RBM41: variants seen among roughly 807,000 people sequenced by gnomAD.
RBM41 encodes the protein RNA-binding protein 41.
RBM41 carries 14 observed loss-of-function variants against 30.8 expected under a neutral mutation model. The ratio of observed to expected loss-of-function variants is 0.45; its 90% CI spans 0.30 to 0.71. The LOEUF is 0.71. RBM41 is among the 30% of genes least tolerant of loss of function. The probability of loss-of-function intolerance (pLI) is 0.08; values close to 1 mark genes in which losing one functional copy is unlikely to be tolerated. For missense variants in RBM41, 276 were observed against 326.3 expected (o/e 0.85, Z 1.19); for synonymous variants, 120 against 110.1 (o/e 1.09, Z -0.56).
Position 107,067,702 on chromosome X carries a change from G to T in RBM41, c.1148-9C>A. 1 of 1,183,954 alleles carries T rather than the reference G, an allele frequency of 8.4e-7. No individual in the cohort carries two copies. The highest frequency in any genetic ancestry group is 1.1e-6 in the Non-Finnish European group (1 of 884,021). The stretch of plus-strand genomic sequence containing the variant: ...CCATGCTATCTCCTTATCTAAAAGA[G>T]AAAGAAAAAATTTCAATTTACATAG... On this transcript the variant is annotated splice_polypyrimidine_tract_variant and intron_variant, in intron 7 of 7. Coordinates refer to ENST00000685964, the MANE Select transcript of RBM41 (RefSeq NM_001324242.2).
In RBM41 at chrX:107,067,292, A is replaced by C. The variant is rs1935876172; in HGVS notation, c.*235T>G. On this transcript the variant is annotated 3_prime_UTR_variant, in exon 8 of 8. Coordinates refer to ENST00000685964, the MANE Select transcript of RBM41 (RefSeq NM_001324242.2). ...CGTTGTAATTCATCCTGAGAAAATA[A>C]TACTCTTTGCACTTTACCCTTCATA... The C allele has an allele frequency of 1.1e-6, 1 of 898,198 alleles. No homozygotes were observed. Among genetic ancestry groups the C allele is most frequent in the Admixed American group, 5.9e-5 (1 of 16,962 alleles). 74.0% of individuals were successfully genotyped at this position (898,198 alleles called of 1,213,427 possible).
At chrX:107,102,372 A>G (rs1260830901) in intron 5 of RBM41, among the ~76,000 whole-genome samples, 2 of 111,758 alleles carry the variant, frequency 1.8e-5, no homozygotes, top group African/African-American at 3.2e-5. Context: ...ACAACACTTG[A>G]TGATTGGGAA....
chrX:107,110,810 T>C (rs1924403018), intron 5 of RBM41, among the ~76,000 whole-genome samples: 1 of 111,367 alleles, frequency 9.0e-6, no homozygotes, highest in African/African-American at 3.3e-5. Flanking sequence ...ACAGTCTTTT[T>C]TCAACAACTG....
At chrX:107,102,119 A>G (rs1923517196) in intron 5 of RBM41, among the ~76,000 whole-genome samples, 1 of 111,746 alleles carries the variant, frequency 8.9e-6, no homozygotes, top group Non-Finnish European at 1.9e-5. Flanking sequence ...CTTAGAAGGA[A>G]ATGATGAACA....
Position 107,065,573 on chromosome X carries a change from ATTAC to A in RBM41, c.*1950_*1953del, listed in dbSNP as rs1161894216. 2.8e-6 allele frequency: 1 copy of A among 356,422 alleles called. No individual in the cohort carries two copies. Among genetic ancestry groups the A allele is most frequent in the African/African-American group, 2.7e-5 (1 of 37,723 alleles). 29.4% of individuals were successfully genotyped at this position (356,422 alleles called of 1,213,427 possible). On this transcript the variant is annotated 3_prime_UTR_variant, in exon 8 of 8. Transcript: ENST00000685964. ...TACAAACCCAACACACATTATTATAATTACTTAATATAATTTTACATCTTTAAAA... is the reference window on the plus strand; with the variant it reads ...TACAAACCCAACACACATTATTATAATTAATATAATTTTACATCTTTAAAA...
chrX:107,117,763 T>C (rs1924995396), intron 1 of RBM41, among the ~76,000 whole-genome samples: 1 of 111,466 alleles, frequency 9.0e-6, no homozygotes, highest in African/African-American at 3.3e-5. Context: ...AGGGAATTAA[T>C]AACACAAAAT....
intron 5 of RBM41, among the ~76,000 whole-genome samples, chrX:107,089,320 C>T (rs1922316294): frequency 1.8e-5 from 2 of 111,557 alleles, no homozygotes; most frequent in South Asian, 7.6e-4. Flanking sequence ...ATTTCATTTT[C>T]TCACTCATCC....
chrX:107,057,606 T>A (rs1250203848), downstream of RBM41, among the ~76,000 whole-genome samples: 1 of 112,250 alleles, frequency 8.9e-6, no homozygotes, highest in Non-Finnish European at 1.9e-5. Flanking sequence ...TGGAGAATAA[T>A]GTGAATTCTG....
At chrX:107,058,310 A>C (rs1439374280), downstream of RBM41, among the ~76,000 whole-genome samples, 1 of 109,048 alleles carries the variant, frequency 9.2e-6, no homozygotes, top group Non-Finnish European at 1.9e-5. Flanking sequence ...AAAAAAAAAA[A>C]AAAAAAATGA....
chrX:107,073,955 T>C (rs746008891), intron 6 of RBM41, among the ~76,000 whole-genome samples: 2 of 111,531 alleles, frequency 1.8e-5, no homozygotes, highest in African/African-American at 6.5e-5. Flanking sequence ...CAGAGGATAC[T>C]AGAGGCTGTG....
At chrX:107,096,199 T>A in intron 5 of RBM41, among the ~76,000 whole-genome samples, 1 of 112,293 alleles carries the variant, frequency 8.9e-6, no homozygotes, top group African/African-American at 3.2e-5. Context: ...CAAATTGAAT[T>A]ATAGATTCAA....
intron 5 of RBM41, among the ~76,000 whole-genome samples, chrX:107,111,466 C>T (rs1924465540): frequency 9.0e-6 from 1 of 110,922 alleles, no homozygotes; most frequent in South Asian, 3.8e-4. Context: ...GGTACAGTCT[C>T]TATGGAAACT....
intron 5 of RBM41, among the ~76,000 whole-genome samples, chrX:107,094,275 T>C (rs1478963859): frequency 8.9e-6 from 1 of 112,238 alleles, no homozygotes; most frequent in East Asian, 2.8e-4. Context: ...CACAGACCAA[T>C]ATTCCTCATG....
chrX:107,078,543 G>A (rs903990838), intron 6 of RBM41, among the ~76,000 whole-genome samples: 15 of 111,399 alleles, frequency 1.3e-4, no homozygotes, highest in African/African-American at 4.2e-4. Flanking sequence ...TCTTTCATTT[G>A]GCTCCTGTAT....
At chrX:107,056,880 C>CTT in the RBM41 span, among the ~76,000 whole-genome samples, 21 of 82,217 alleles carry the variant, frequency 2.6e-4, no homozygotes, top group African/African-American at 9.9e-4. Flanking sequence ...TAACTATTAT[C>CTT]TTTTTTTTTT....
chrX:107,068,598 G>A (rs1935929111), intron 7 of RBM41, among the ~76,000 whole-genome samples: 1 of 111,018 alleles, frequency 9.0e-6, no homozygotes, highest in African/African-American at 3.3e-5. Flanking sequence ...AAACAATGGA[G>A]GGGAGTTTGG....
intron 5 of RBM41, among the ~76,000 whole-genome samples, chrX:107,107,149 T>C (rs965260372): frequency 9.0e-6 from 1 of 111,726 alleles, no homozygotes; most frequent in Non-Finnish European, 1.9e-5. Flanking sequence ...CTGACAAGTA[T>C]ACAAGTCATG....
chrX:107,063,067 A>T lies in RBM41; in HGVS notation c.*4460T>A, dbSNP rs1041957681. Among the ~76,000 whole-genome samples the T allele has an allele frequency of 2.7e-5, 3 of 111,528 alleles. No individual in the cohort carries two copies. Among genetic ancestry groups the T allele is most frequent in the Middle Eastern group, 4.7e-3 (1 of 215 alleles). The stretch of plus-strand genomic sequence containing the variant: ...TTGAGATATAATTCATACACCACAC[A>T]ATTCACCCATTTAACGTGTACAATT... On this transcript the variant is annotated 3_prime_UTR_variant, in exon 8 of 8. Coordinates refer to ENST00000685964, the MANE Select transcript of RBM41 (RefSeq NM_001324242.2).
At chrX:107,080,584 C>CATGAAACAAA (rs1921422546) in intron 6 of RBM41, among the ~76,000 whole-genome samples, 1 of 85,181 alleles carries the variant, frequency 1.2e-5, no homozygotes, top group South Asian at 5.2e-4. Flanking sequence ...TGCCTCAAAA[C>CATGAAACAAA]ACGAAACAAA....
Sources: allele counts gnomAD v4.1 joint callset (sites outside exome capture counted in the v4.1 genomes callset), GRCh38; gene constraint gnomAD v4.1.1; transcripts MANE v1.5; gene names NCBI Gene and HGNC (gene_info 2026-07-23, HGNC 2026-07-21).